The following BAIAP2 variants were observed in gnomAD, a reference collection of about 807,000 sequenced individuals.
BAIAP2 encodes the protein BAR/IMD domain-containing adapter protein 2.
Under a neutral mutation model 63.0 loss-of-function variants are expected in BAIAP2, and 18 were observed. The observed-to-expected ratio is 0.29, with a 90% CI of 0.20 to 0.42. The LOEUF is 0.42. Ranked by LOEUF, BAIAP2 falls within the 10% of genes least tolerant of loss-of-function variation. The pLI, the probability that BAIAP2 is intolerant of heterozygous loss-of-function variation, is 1.00. For synonymous variants in BAIAP2, 386 were observed against 307.6 expected, an observed-to-expected ratio of 1.25 and a Z score of -2.67; for missense variants, 610 against 734.3, an observed-to-expected ratio of 0.83 and a Z score of 1.96.
chr17:81,079,199 G>T (rs1267118569), intron 3 of BAIAP2, among the ~76,000 whole-genome samples: 1 of 152,210 alleles, frequency 6.6e-6, no homozygotes, highest in Non-Finnish European at 1.5e-5. Context: ...CCTTGCTGGG[G>T]AGCAGGGGCC....
intron 8 of BAIAP2, 57 bp from the exon 9 acceptor site, chr17:81,103,850 C>T: frequency 6.2e-7 from 1 of 1,605,020 alleles, no homozygotes; most frequent in Non-Finnish European, 8.5e-7. Flanking sequence ...TCTCTTTCCC[C>T]CTGGTCTTGC....
chr17:81,047,888 G>A (rs937289874), intron 1 of BAIAP2, among the ~76,000 whole-genome samples: 2 of 152,376 alleles, frequency 1.3e-5, no homozygotes, highest in South Asian at 2.1e-4. Flanking sequence ...GCACACACAC[G>A]GATATATGTG....
intron 12 of BAIAP2, 112 bp from the exon 13 acceptor site, chr17:81,108,363 G>A (rs900840165): frequency 5.5e-5 from 68 of 1,233,432 alleles, no homozygotes; most frequent in African/African-American, 5.2e-4. Context: ...AAAGGAACAC[G>A]GTTTGAACCT....
intron 1 of BAIAP2, among the ~76,000 whole-genome samples, chr17:81,038,740 C>T (rs1185035619): frequency 5.3e-5 from 8 of 152,232 alleles, no homozygotes; most frequent in African/African-American, 1.9e-4. Flanking sequence ...CTGCTCCGTG[C>T]CCGGCTGCCC....
rs1241870866 is a variant in BAIAP2, at chr17:81,117,302, T to C, written c.*1463T>C. 6.6e-6 allele frequency: 1 copy of C among 152,232 alleles called. No individual in the cohort carries two copies. The highest frequency in any genetic ancestry group is 1.5e-5 in the Non-Finnish European group (1 of 68,034). The allele number at this position is 152,232 out of a possible 1,614,324, so 9.4% of individuals were successfully genotyped here. A position where few individuals can be genotyped will look rare whatever the true frequency, so the allele number is the denominator to read the frequency against. On this transcript the variant is annotated 3_prime_UTR_variant, in exon 14 of 14. Transcript: ENST00000428708. ...GAAGACAACACACAAAGGTTTCTTT[T>C]GTCTTAGCTTCATTTCTCTTAAAAA... is the stretch of plus-strand genomic sequence containing the variant.
At position 81,104,563 on chromosome 17, in the gene BAIAP2, G is replaced by A. The variant is rs1598804264; in HGVS notation, c.1116G>A (p.Glu372=). ...CGAGCTCCATGGCAGCCGGCCTGGA[G>A]CGCAATGGCCGTATGCGGGTGAAGG... ...PRSSSMAAGL[E]RNGRMRVKAI... is the part of the protein sequence containing the mutation. Residue 372 remains glutamate, a synonymous_variant, in exon 10 of 14, where the codon GAG becomes GAA. Transcript: ENST00000428708. The A allele has an allele frequency of 2.5e-6, 4 of 1,611,406 alleles. No individual in the cohort carries two copies. The highest frequency in any genetic ancestry group is 3.4e-6 in the Non-Finnish European group (4 of 1,179,586).
At position 81,084,760 on chromosome 17, in the gene BAIAP2, C is replaced by T. The variant is rs773553873; in HGVS notation, c.218-72C>T. On this transcript the variant is annotated intron_variant, in intron 3 of 13. Transcript: ENST00000428708. ...AGGGCTTCCCTGGGTGGCTGTCAGC[C>T]CAGAGTGGGATGACGGTGGTGACTG... The T allele has an allele frequency of 1.4e-5, 21 of 1,508,892 alleles. No homozygotes were observed. In the Admixed American group the frequency reaches 2.2e-4, roughly 16 times the overall value. The allele number at this position is 1,508,892 out of a possible 1,614,324, so 93.5% of individuals were successfully genotyped here. A position where few individuals can be genotyped will look rare whatever the true frequency, so the allele number is the denominator to read the frequency against.
intron 3 of BAIAP2, among the ~76,000 whole-genome samples, chr17:81,069,384 A>G (rs2052140296): frequency 6.6e-6 from 1 of 152,030 alleles, no homozygotes; most frequent in Non-Finnish European, 1.5e-5. Context: ...TGCCATCTCC[A>G]TGGAGTGCTG....
At chr17:81,098,250 C>T in intron 6 of BAIAP2, 1 of 1,253,148 alleles carries the variant, frequency 8.0e-7, no homozygotes, top group East Asian at 3.1e-5. Flanking sequence ...CGCCTCTGCC[C>T]AGGATGGGAG....
At position 81,104,617 on chromosome 17, in the gene BAIAP2, C is replaced by T. The variant is rs757938751; in HGVS notation, c.1170C>T (p.Asn390=). ...TCTTCTCCCACGCTGCTGGGGACAA[C>T]AGCACCCTCCTGAGCTTCAAGGAGG... ...KAIFSHAAGD[N]STLLSFKEGD... The change falls in exon 10 of 14, where the codon AAC becomes AAT. Residue 390 remains asparagine (N), a synonymous_variant. Transcript: ENST00000428708. 9 of 1,612,094 alleles carry T rather than the reference C, an allele frequency of 5.6e-6. No individual in the cohort carries two copies. The highest frequency in any genetic ancestry group is 1.7e-5 in the Admixed American group (1 of 59,946).
intron 2 of BAIAP2, among the ~76,000 whole-genome samples, chr17:81,056,017 C>T (rs2049495780): frequency 6.6e-6 from 1 of 152,130 alleles, no homozygotes; most frequent in South Asian, 2.1e-4. Context: ...GGAAGTTGCA[C>T]CTGGTTTGCT....
chr17:81,116,213 G>A lies in BAIAP2; in HGVS notation c.*374G>A. On this transcript the variant is annotated 3_prime_UTR_variant, in exon 14 of 14. Coordinates refer to ENST00000428708, the MANE Select transcript of BAIAP2 (RefSeq NM_001144888.2). Reference sequence around the variant, plus strand: ...TGCTGCTTCTCCTGCCTAATAAACAGGCTTCTCCTGCACCAGGTGTGATCT... The same window carrying A: ...TGCTGCTTCTCCTGCCTAATAAACAAGCTTCTCCTGCACCAGGTGTGATCT... The A allele has an allele frequency of 2.5e-6, 4 of 1,609,712 alleles. No individual in the cohort carries two copies. The highest frequency in any genetic ancestry group is 3.4e-6 in the Non-Finnish European group (4 of 1,177,616).
At chr17:81,065,465 G>T (rs2051300206) in intron 3 of BAIAP2, among the ~76,000 whole-genome samples, 1 of 152,216 alleles carries the variant, frequency 6.6e-6, no homozygotes, top group Non-Finnish European at 1.5e-5. Flanking sequence ...GGCAGGGCAG[G>T]TGCTCACCAT....
At chr17:81,062,555 C>T (rs933879561) in intron 3 of BAIAP2, among the ~76,000 whole-genome samples, 3 of 152,188 alleles carry the variant, frequency 2.0e-5, no homozygotes, top group Non-Finnish European at 2.9e-5. Flanking sequence ...AGCCTCCCTG[C>T]TCCCTCGTGG....
At chr17:81,104,394 C>T in intron 9 of BAIAP2, 120 bp from the exon 10 acceptor site, 2 of 1,150,306 alleles carry the variant, frequency 1.7e-6, no homozygotes, top group South Asian at 1.5e-5. Flanking sequence ...AGAGCTTAGC[C>T]AGCCCACTTA....
At chr17:81,068,302 C>G (rs8065518) in intron 3 of BAIAP2, among the ~76,000 whole-genome samples, 1 of 152,242 alleles carries the variant, frequency 6.6e-6, no homozygotes, top group South Asian at 2.1e-4. Context: ...CACAGATAGG[C>G]GAGGCTGGTT....
In BAIAP2 at chr17:81,110,604, G is replaced by A. The variant is rs531253389; in HGVS notation, c.1535+2095G>A. On this transcript the variant is annotated intron_variant, in intron 13 of 13. Coordinates refer to ENST00000428708, the MANE Select transcript of BAIAP2 (RefSeq NM_001144888.2). ...GCCCACCTCTGCCAGGTATTTTCTCGGCACTCAGTCGCCTGCTAGATAACC... is the reference window on the plus strand; with the variant it reads ...GCCCACCTCTGCCAGGTATTTTCTCAGCACTCAGTCGCCTGCTAGATAACC... The A allele has an allele frequency of 3.7e-5, 46 of 1,232,032 alleles. 1 individual carries two copies. In the East Asian group the frequency reaches 9.5e-4, roughly 25 times the overall value. 76.3% of individuals were successfully genotyped at this position (1,232,032 alleles called of 1,614,324 possible). A position where few individuals can be genotyped will look rare whatever the true frequency, so the allele number is the denominator to read the frequency against.
At chr17:81,115,470 GCCCCGCCCCA>G (rs1172839300) in intron 13 of BAIAP2, among the ~76,000 whole-genome samples, 4 of 150,662 alleles carry the variant, frequency 2.7e-5, no homozygotes, top group East Asian at 1.9e-4. Context: ...TGGCTGGCCT[GCCCCGCCCCA>G]CCCCGCCCTG....
chr17:81,089,056 C>A (rs947663929), intron 6 of BAIAP2, among the ~76,000 whole-genome samples: 1 of 152,280 alleles, frequency 6.6e-6, no homozygotes, highest in African/African-American at 2.4e-5. Context: ...TGCCTGCCCT[C>A]CGCGCTGCTC....
Sources: allele counts gnomAD v4.1 joint callset (sites outside exome capture counted in the v4.1 genomes callset), GRCh38; gene constraint gnomAD v4.1.1; transcripts MANE v1.5; gene names NCBI Gene and HGNC (gene_info 2026-07-23, HGNC 2026-07-21).